Variants in IRX4 observed in about 807,000 individuals in gnomAD.
IRX4 encodes the protein iroquois homeobox 4.
In IRX4, 22 loss-of-function variants were observed where a neutral mutation model predicts 32.0. The observed-to-expected ratio is 0.69, with a 90% CI of 0.49 to 0.98. IRX4 has a LOEUF of 0.98. Among genes scored for constraint, IRX4 ranks in the 50% least tolerant of loss-of-function variants. The probability of loss-of-function intolerance (pLI) is 0.00; values close to 1 mark genes in which losing one functional copy is unlikely to be tolerated. For missense variants in IRX4, 840 were observed against 744.2 expected (o/e 1.13, Z -1.50); for synonymous variants, 379 against 351.7 (o/e 1.08, Z -0.87).
rs776980440 is a variant in IRX4, at chr5:1,878,648, TCGGGCGCGG to T, written c.872_880del (p.Ala291_Pro293del). On this transcript the variant is annotated inframe_deletion, in exon 5 of 5. Coordinates refer to ENST00000231357, the MANE Select transcript of IRX4 (RefSeq NM_016358.3). Reference sequence around the variant, plus strand: ...GCCTGAGGCCTCCTTGACCGGGCCGTCGGGCGCGGCGGGGACGCGCTCCAGACCGCCGTC... The same window carrying T: ...GCCTGAGGCCTCCTTGACCGGGCCGTCGGGGACGCGCTCCAGACCGCCGTC... 1.3e-6 allele frequency: 2 copies of T among 1,596,430 alleles called. No individual in the cohort carries two copies.
upstream of IRX4, among the ~76,000 whole-genome samples, chr5:1,886,534 C>T (rs1375719414): frequency 2.0e-5 from 3 of 152,200 alleles, no homozygotes; most frequent in Non-Finnish European, 4.4e-5. Context: ...GAGAAGGAGC[C>T]ACAGGGACAA....
chr5:1,881,026 T>C, intron 2 of IRX4, 192 bp from the exon 3 acceptor site: 1 of 411,556 alleles, frequency 2.4e-6, no homozygotes. Context: ...ATGTTCTGAG[T>C]TGCAGAAGCA....
At chr5:1,885,474 C>T (rs561562422), upstream of IRX4, among the ~76,000 whole-genome samples, 1 of 152,316 alleles carries the variant, frequency 6.6e-6, no homozygotes, top group South Asian at 2.1e-4. Context: ...ATCGGCTTTC[C>T]CAGGCCGCCG....
chr5:1,878,390 G>A lies in IRX4; in HGVS notation c.1139C>T (p.Ala380Val). Residue 380 changes from alanine to valine, a missense_variant, in exon 5 of 5, where the codon GCC becomes GTC. Coordinates refer to ENST00000231357, the MANE Select transcript of IRX4 (RefSeq NM_016358.3). Reference sequence around the variant, plus strand: ...AGTCTGGCTCAGGGAGGTGGCGGCGGCGGCGGCGGCGGTGGCTGTGTGGGC... The same window carrying A: ...AGTCTGGCTCAGGGAGGTGGCGGCGACGGCGGCGGCGGTGGCTGTGTGGGC... Reference protein sequence around the residue: ...SLAHTATAAAAAATSLSQTEF... With the variant: ...SLAHTATAAAVAATSLSQTEF... 1 of 1,528,168 alleles carries A rather than the reference G, an allele frequency of 6.5e-7. No homozygotes were observed. The highest frequency in any genetic ancestry group is 8.8e-7 in the Non-Finnish European group (1 of 1,141,358). 94.7% of individuals were successfully genotyped at this position (1,528,168 alleles called of 1,614,324 possible). A position where few individuals can be genotyped will look rare whatever the true frequency, so the allele number is the denominator to read the frequency against.
chr5:1,885,523 A>G (rs975248095), upstream of IRX4, among the ~76,000 whole-genome samples: 5 of 151,824 alleles, frequency 3.3e-5, no homozygotes, highest in African/African-American at 1.2e-4. Context: ...AGCAGGCCCC[A>G]GCGCCTGGGG....
chr5:1,881,775 G>C (rs1166693535), intron 2 of IRX4, 33 bp downstream of exon 2: 6 of 1,562,702 alleles, frequency 3.8e-6, no homozygotes, highest in Non-Finnish European at 5.2e-6. Flanking sequence ...CGAGGGCCAG[G>C]GGCAGGGCAA....
intron 1 of IRX4, 34 bp from the exon 2 acceptor site, chr5:1,882,093 C>T (rs992253396): frequency 1.3e-6 from 2 of 1,537,908 alleles, no homozygotes; most frequent in Admixed American, 2.0e-5. Flanking sequence ...TGGCGGGAAG[C>T]CGGGCTGGAG....
upstream of IRX4, chr5:1,884,063 C>A (rs62335813): frequency 1.3e-5 from 2 of 152,268 alleles, no homozygotes; most frequent in Non-Finnish European, 2.9e-5. Context: ...TCCCTGGGAC[C>A]TTGCCCAAGT....
chr5:1,882,894 C>T lies in IRX4; in HGVS notation c.-247G>A, dbSNP rs1277121893. The T allele has an allele frequency of 2.6e-6, 1 of 388,242 alleles. No homozygotes were observed. Among genetic ancestry groups the T allele is most frequent in the African/African-American group, 2.1e-5 (1 of 48,118 alleles). 24.0% of individuals were successfully genotyped at this position (388,242 alleles called of 1,614,324 possible). ...TCGAGGGGGCTCTGGGACCGAGCGGCCTCGCAGCGGCGACAGAAATACATA... is the reference window on the plus strand; with the variant it reads ...TCGAGGGGGCTCTGGGACCGAGCGGTCTCGCAGCGGCGACAGAAATACATA... On this transcript the variant is annotated 5_prime_UTR_variant, in exon 1 of 5. Coordinates refer to ENST00000231357, the MANE Select transcript of IRX4 (RefSeq NM_016358.3).
At position 1,879,720 on chromosome 5, in the gene IRX4, C is replaced by T. The variant is rs375757732; in HGVS notation, c.520G>A (p.Glu174Lys). The part of the protein sequence containing the change: ...HRKNPYPTKG[E>K]KIMLAIITKM... ...GTGATGATGGCCAGCATGATCTTCT[C>T]GCCCTTGGTGGGGTAGGGGTTCTTG... is the stretch of plus-strand genomic sequence containing the variant. The change falls in exon 4 of 5, where the codon GAG becomes AAG. Residue 174 changes from glutamate (E) to lysine (K), a missense_variant. This residue lies in a region of IRX4 where 14 missense variants were observed against 35.4 expected (regional missense o/e 0.40). Transcript: ENST00000231357. The T allele has an allele frequency of 6.2e-7, 1 of 1,614,248 alleles. No homozygotes were observed. Among genetic ancestry groups the T allele is most frequent in the Non-Finnish European group, 8.5e-7 (1 of 1,180,038 alleles).
chr5:1,886,665 G>A (rs6898268), upstream of IRX4, among the ~76,000 whole-genome samples: 8,925 of 151,986 alleles, frequency 0.059, 484 homozygotes, highest in African/African-American at 0.15. Context: ...ACGGAGCGCC[G>A]TCCGGGCGTC....
At chr5:1,881,783 C>A in intron 2 of IRX4, 25 bp downstream of exon 2, 15 of 1,564,886 alleles carry the variant, frequency 9.6e-6, no homozygotes, top group Non-Finnish European at 1.3e-5. Flanking sequence ...AGGGGCAGGG[C>A]AAGGGCTAGG....
rs780509968 is a variant in IRX4 at position 1,882,021 on chromosome 5, C to T, written c.84G>A (p.Glu28=). 5 of 1,548,904 alleles carry T rather than the reference C, an allele frequency of 3.2e-6. No individual in the cohort carries two copies. Among genetic ancestry groups the T allele is most frequent in the Non-Finnish European group, 4.4e-6 (5 of 1,147,298 alleles). The change falls in exon 2 of 5, where the codon GAG becomes GAA. Residue 28 remains glutamate (E), a synonymous_variant. Coordinates refer to ENST00000231357, the MANE Select transcript of IRX4 (RefSeq NM_016358.3). ...MATNSLSTCC[E]SGGRTLADSG... is the part of the protein sequence containing the mutation. ...AGTCCGCCAGCGTGCGGCCTCCGGA[C>T]TCGCAGCACGTGCTCAGGGAGTTGG...
At chr5:1,880,639 G>C in intron 3 of IRX4, 86 bp downstream of exon 3, 1 of 892,792 alleles carries the variant, frequency 1.1e-6, no homozygotes, top group South Asian at 1.4e-5. Flanking sequence ...CTTCCAGAAA[G>C]GGGGCATGAT....
Position 1,878,258 on chromosome 5 carries a change from A to T in IRX4, c.1271T>A (p.Leu424Gln), listed in dbSNP as rs772667573. 4 of 1,602,506 alleles carry T rather than the reference A, an allele frequency of 2.5e-6. No individual in the cohort carries two copies. In the African/African-American group the frequency reaches 4.0e-5, roughly 16 times the overall value. ...PSVALPHSGALDRHQDSPVTS... is the reference protein window; with the variant it reads ...PSVALPHSGAQDRHQDSPVTS... ...TACCGGGGAGTCCTGGTGCCTGTCC[A>T]GGGCGCCAGAGTGGGGAAGGGCCAC... Residue 424 changes from leucine (L) to glutamine (Q), a missense_variant, in exon 5 of 5, where the codon CTG (leucine) becomes CAG (glutamine). Transcript: ENST00000231357.
chr5:1,881,077 G>GGGGGGGGGGGGGGGGGGGGCCC, intron 2 of IRX4: 1 of 337,068 alleles, frequency 3.0e-6, no homozygotes, highest in Non-Finnish European at 5.4e-6. Context: ...GGGCGGGGGG[G>GGGGGGGGGGGGGGGGGGGGCCC]AGGAGGTGCA....
Position 1,880,976 on chromosome 5 carries a change from C to G in IRX4, c.298-142G>C, listed in dbSNP as rs888150191. ...CCCCGGCAGGAAGGAGCTGATTTCCCGCTTGCTTTAAAACCTGGTCTCGCA... is the reference window on the plus strand; with the variant it reads ...CCCCGGCAGGAAGGAGCTGATTTCCGGCTTGCTTTAAAACCTGGTCTCGCA... On this transcript the variant is annotated intron_variant, in intron 2 of 4. Transcript: ENST00000231357. The G allele has an allele frequency of 4.4e-6, 3 of 682,172 alleles. No homozygotes were observed. In the South Asian group the frequency reaches 4.7e-5, roughly 11 times the overall value. The allele number at this position is 682,172 out of a possible 1,614,324, so 42.3% of individuals were successfully genotyped here. A position where few individuals can be genotyped will look rare whatever the true frequency, so the allele number is the denominator to read the frequency against.
chr5:1,882,086 C>A, intron 1 of IRX4, 27 bp from the exon 2 acceptor site: 1 of 1,540,196 alleles, frequency 6.5e-7, no homozygotes, highest in African/African-American at 1.4e-5. Context: ...CGAGGACTGG[C>A]GGGAAGCCGG....
In IRX4 at chr5:1,878,689, G is replaced by A. The variant is rs1213141716; in HGVS notation, c.840C>T (p.His280=). The A allele has an allele frequency of 6.2e-7, 1 of 1,608,956 alleles. No individual in the cohort carries two copies. The highest frequency in any genetic ancestry group is 1.7e-4 in the Middle Eastern group (1 of 6,028). The change falls in exon 5 of 5, where the codon CAC becomes CAT. Residue 280 remains histidine (H), a synonymous_variant. Coordinates refer to ENST00000231357, the MANE Select transcript of IRX4 (RefSeq NM_016358.3). ...CGCGCTCCAGACCGCCGTCCAGGGA[G>A]TGGAAGGGCGGCTTCAGCTCGCACG... ...PPACELKPPF[H]SLDGGLERVP... is the part of the protein sequence containing the mutation.
Sources: gnomAD v4.1 joint callset for allele counts (sites outside exome capture counted in the v4.1 genomes callset) on GRCh38, gnomAD v4.1.1 for gene constraint, gnomAD v4.1.1 regional missense constraint, MANE v1.5 for transcripts, NCBI Gene and HGNC (gene_info 2026-07-23, HGNC 2026-07-21) for gene names.